GRIN2A: variants seen among roughly 807,000 people sequenced by gnomAD.
The protein encoded by GRIN2A is glutamate ionotropic receptor NMDA type subunit 2A, also known as glutamate receptor ionotropic, NMDA 2A.
GRIN2A carries 22 observed loss-of-function variants against 113.4 expected under a neutral mutation model. The observed-to-expected ratio is 0.19, with a 90% confidence interval of 0.14 to 0.28. The LOEUF (loss-of-function observed/expected upper bound fraction) is 0.28. GRIN2A is among the 10% of genes least tolerant of loss of function. The probability of loss-of-function intolerance (pLI) is 1.00; values close to 1 mark genes in which losing one functional copy is unlikely to be tolerated. For synonymous variants in GRIN2A, 827 were observed against 738.4 expected (o/e 1.12, Z -1.94); for missense variants, 1,502 against 1,887.0 (o/e 0.80, Z 3.78).
At chr16:10,161,742 C>T (rs566683608) in intron 2 of GRIN2A, among the ~76,000 whole-genome samples, 2 of 152,282 alleles carry the variant, frequency 1.3e-5, no homozygotes, top group African/African-American at 4.8e-5. Context: ...GGCATTCCTT[C>T]CAGAGGCCCT....
intron 2 of GRIN2A, among the ~76,000 whole-genome samples, chr16:9,943,579 C>T (rs574083889): frequency 6.6e-6 from 1 of 152,208 alleles, no homozygotes; most frequent in Admixed American, 6.5e-5. Context: ...CCCATCCACA[C>T]CCATTATCTC....
chr16:9,939,604 A>G (rs1051275847), intron 2 of GRIN2A, among the ~76,000 whole-genome samples: 2 of 152,130 alleles, frequency 1.3e-5, no homozygotes, highest in East Asian at 1.9e-4. Flanking sequence ...CCCCTAACTC[A>G]TCAAATCCCC....
chr16:9,983,015 T>C (rs950727423), intron 2 of GRIN2A, among the ~76,000 whole-genome samples: 2 of 152,208 alleles, frequency 1.3e-5, no homozygotes, highest in African/African-American at 2.4e-5. Flanking sequence ...TTAATATTTA[T>C]GGGGTACGGT....
intron 2 of GRIN2A, among the ~76,000 whole-genome samples, chr16:10,077,342 T>C (rs1472740802): frequency 2.6e-5 from 4 of 152,218 alleles, no homozygotes; most frequent in Non-Finnish European, 5.9e-5. Flanking sequence ...CTATCATCCA[T>C]CTCAGCCACA....
chr16:9,852,303 G>A (rs1046342476), intron 4 of GRIN2A, among the ~76,000 whole-genome samples: 2 of 151,936 alleles, frequency 1.3e-5, no homozygotes, highest in Admixed American at 6.5e-5. Context: ...CAGTAACCAC[G>A]TTATAGCTCC....
Position 9,761,578 on chromosome 16 carries a change from T to C in GRIN2A, c.*1571A>G. On this transcript the variant is annotated 3_prime_UTR_variant, in exon 13 of 13. Coordinates refer to ENST00000330684, the MANE Select transcript of GRIN2A (RefSeq NM_001134407.3). ...TATTATTTGCTGGTTTTATGATATTTAATTTTTAAACTAGAAAATCCTGAT... is the reference window on the plus strand; with the variant it reads ...TATTATTTGCTGGTTTTATGATATTCAATTTTTAAACTAGAAAATCCTGAT... The C allele has an allele frequency of 4.4e-6, 1 of 229,188 alleles. No homozygotes were observed. Among genetic ancestry groups the C allele is most frequent in the Admixed American group, 5.7e-5 (1 of 17,664 alleles). 14.2% of individuals were successfully genotyped at this position (229,188 alleles called of 1,614,324 possible).
In GRIN2A at chr16:10,112,568, C is replaced by T. The variant is rs1051870687; in HGVS notation, c.414+67430G>A. The T allele has an allele frequency of 3.4e-5, 26 of 774,862 alleles. No individual in the cohort carries two copies. The Middle Eastern group carries it at 1.1e-3, about 32-fold the overall frequency. The allele number at this position is 774,862 out of a possible 1,614,324, so 48.0% of individuals were successfully genotyped here. A position where few individuals can be genotyped will look rare whatever the true frequency, so the allele number is the denominator to read the frequency against. On this transcript the variant is annotated intron_variant, in intron 2 of 12. Transcript: ENST00000330684. ...GCTGGCCACCACCACGGAGGCCCAG[C>T]GGCGAGTACTTCTTCTCAGACAGGG...
chr16:10,026,310 C>T lies in GRIN2A; in HGVS notation c.415-87759G>A, dbSNP rs568512460. On this transcript the variant is annotated intron_variant, in intron 2 of 12. Coordinates refer to ENST00000330684, the MANE Select transcript of GRIN2A (RefSeq NM_001134407.3). ...AACAAGAGTAATAAAAAGTAGCTTCCTCATGGTATTATTGTGAAAAATAAA... is the reference window on the plus strand; with the variant it reads ...AACAAGAGTAATAAAAAGTAGCTTCTTCATGGTATTATTGTGAAAAATAAA... Among the ~76,000 whole-genome samples, 11 of 152,174 alleles carry T rather than the reference C, an allele frequency of 7.2e-5. No individual in the cohort carries two copies. In the East Asian group the frequency reaches 2.1e-3, roughly 29 times the overall value.
chr16:9,869,394 A>G (rs866046539), intron 4 of GRIN2A, among the ~76,000 whole-genome samples: 10 of 152,212 alleles, frequency 6.6e-5, no homozygotes, highest in South Asian at 6.2e-4. Flanking sequence ...AATCACACCA[A>G]TGCACTCCAG....
chr16:10,166,599 C>T (rs1348178259), intron 2 of GRIN2A, among the ~76,000 whole-genome samples: 2 of 152,216 alleles, frequency 1.3e-5, no homozygotes, highest in African/African-American at 4.8e-5. Flanking sequence ...TACAATCATA[C>T]TGCACTTGCA....
At chr16:9,820,795 C>T (rs535255739) in intron 10 of GRIN2A, among the ~76,000 whole-genome samples, 5 of 152,162 alleles carry the variant, frequency 3.3e-5, no homozygotes, top group South Asian at 4.2e-4. Context: ...TCAGTTTGTA[C>T]GAAGCCATAA....
chr16:10,047,747 C>T (rs2047285602), intron 2 of GRIN2A, among the ~76,000 whole-genome samples: 1 of 152,192 alleles, frequency 6.6e-6, no homozygotes, highest in African/African-American at 2.4e-5. Flanking sequence ...ATATCCTTTT[C>T]TGCCCTGGAA....
At chr16:10,032,052 A>G (rs1179642711) in intron 2 of GRIN2A, among the ~76,000 whole-genome samples, 2 of 152,190 alleles carry the variant, frequency 1.3e-5, no homozygotes, top group Non-Finnish European at 1.5e-5. Flanking sequence ...ATTACAGCGC[A>G]TCGTATTTAC....
intron 2 of GRIN2A, among the ~76,000 whole-genome samples, chr16:9,944,953 A>G (rs2044982579): frequency 6.6e-6 from 1 of 152,172 alleles, no homozygotes; most frequent in Non-Finnish European, 1.5e-5. Flanking sequence ...GAAGGAGGCT[A>G]CCAAAGTGAA....
intron 10 of GRIN2A, among the ~76,000 whole-genome samples, chr16:9,818,000 C>T (rs577662990): frequency 6.7e-6 from 1 of 150,226 alleles, no homozygotes; most frequent in South Asian, 2.1e-4. Flanking sequence ...AGATGCTGGT[C>T]GTGGTAAAGG....
chr16:10,096,797 C>T (rs2048302534), intron 2 of GRIN2A, among the ~76,000 whole-genome samples: 1 of 152,192 alleles, frequency 6.6e-6, no homozygotes, highest in Non-Finnish European at 1.5e-5. Context: ...GTCCCCCACA[C>T]ATAGACCTGC....
At chr16:9,920,311 G>A (rs1160692277) in intron 3 of GRIN2A, among the ~76,000 whole-genome samples, 2 of 152,120 alleles carry the variant, frequency 1.3e-5, no homozygotes, top group Admixed American at 1.3e-4. Flanking sequence ...CAGATGCCAG[G>A]GGACTGTTTT....
chr16:9,966,505 T>G (rs1451245503), intron 2 of GRIN2A, among the ~76,000 whole-genome samples: 3 of 152,250 alleles, frequency 2.0e-5, no homozygotes, highest in Admixed American at 6.5e-5. Flanking sequence ...CACATTTTCT[T>G]GATCCACTCT....
chr16:9,840,277 A>C (rs2141340320), intron 7 of GRIN2A, among the ~76,000 whole-genome samples: 1 of 152,220 alleles, frequency 6.6e-6, no homozygotes, highest in African/African-American at 2.4e-5. Flanking sequence ...AGTGAAGCGA[A>C]GGGGGAAGAG....
Sources: gnomAD v4.1 joint callset for allele counts (sites outside exome capture counted in the v4.1 genomes callset) on GRCh38, gnomAD v4.1.1 for gene constraint, MANE v1.5 for transcripts, NCBI Gene and HGNC (gene_info 2026-07-23, HGNC 2026-07-21) for gene names.